The following ITM2A variants were observed in gnomAD, a reference collection of about 807,000 sequenced individuals.
ITM2A encodes BRICHOS domain containing 2A.
Under a neutral mutation model 16.6 loss-of-function variants are expected in ITM2A, and 11 were observed. The observed-to-expected ratio is 0.66, with a 90% CI of 0.42 to 1.10. ITM2A has a LOEUF of 1.10. Ranked by LOEUF, ITM2A falls within the 50% of genes least tolerant of loss-of-function variation. The pLI, the probability that ITM2A is intolerant of heterozygous loss-of-function variation, is 0.00. For synonymous variants in ITM2A, 102 were observed against 71.2 expected (o/e 1.43, Z -2.18); for missense variants, 243 against 206.8 (o/e 1.17, Z -1.07).
chrX:79,367,239 A>G lies in ITM2A; in HGVS notation c.-24T>C. 9.2e-7 allele frequency: 1 copy of G among 1,092,373 alleles called. No individual in the cohort carries two copies. Among genetic ancestry groups the G allele is most frequent in the East Asian group, 3.0e-5 (1 of 32,940 alleles). The allele number at this position is 1,092,373 out of a possible 1,213,427, so 90.0% of individuals were successfully genotyped here. ...ATAGTGAATCTTCGGGCTGCGCGGT[A>G]AGGCGCTGCTGGAATCAGCGTCCTG... is the stretch of plus-strand genomic sequence containing the variant. On this transcript the variant is annotated 5_prime_UTR_variant, in exon 1 of 6. Transcript: ENST00000373298.
chrX:79,362,538 C>T (rs372135722), intron 4 of ITM2A, 43 bp downstream of exon 4: 11 of 683,319 alleles, frequency 1.6e-5, no homozygotes, highest in Non-Finnish European at 2.5e-5. Flanking sequence ...AGTAAAATTA[C>T]TTGGAAATGC....
In ITM2A at chrX:79,361,126, T is replaced by C. The variant is rs1236074664; in HGVS notation, c.755A>G (p.Asn252Ser). 7 of 1,203,275 alleles carry C rather than the reference T, an allele frequency of 5.8e-6. No individual in the cohort carries two copies. In the African/African-American group the frequency reaches 7.0e-5, roughly 12 times the overall value. Reference protein sequence around the residue: ...DKCWKIRHFPNEFIVETKICQ... With the variant: ...DKCWKIRHFPSEFIVETKICQ... ...GATCTTGGTCTCAACAATAAATTCG[T>C]TGGGGAAGTGTCTAATCTTCCAGCA... The change falls in exon 6 of 6, where the codon AAC becomes AGC. Residue 252 changes from asparagine to serine, a missense_variant. Coordinates refer to ENST00000373298, the MANE Select transcript of ITM2A (RefSeq NM_004867.5).
At position 79,361,606 on chromosome X, in the gene ITM2A, T is replaced by G. The variant is rs144944604; in HGVS notation, c.553-127A>C. The G allele has an allele frequency of 5.3e-3, 2,913 of 552,777 alleles. 78 individuals carry two copies. The African/African-American group carries it at 0.061, about 12-fold the overall frequency. 45.6% of individuals were successfully genotyped at this position (552,777 alleles called of 1,213,427 possible). On this transcript the variant is annotated intron_variant, in intron 4 of 5. Coordinates refer to ENST00000373298, the MANE Select transcript of ITM2A (RefSeq NM_004867.5). ...TCATGGGGTTTGTTGTAGAGATTAT[T>G]TAATCACCCAGGTATTAAGCCTAGT...
In ITM2A at chrX:79,367,166, G is replaced by A; in HGVS notation, c.50C>T (p.Ala17Val). Residue 17 changes from alanine to valine, a missense_variant, in exon 1 of 6, where the codon GCG becomes GTG. By Grantham distance (64) the Ala-to-Val change is moderately conservative (BLOSUM62 0). Transcript: ENST00000373298. ...CAGGAGGGCCTCCACGTCTTGCCGCGCCTCCTCCTTTTGCACGGCGGTAGG... is the reference window on the plus strand; with the variant it reads ...CAGGAGGGCCTCCACGTCTTGCCGCACCTCCTCCTTTTGCACGGCGGTAGG... The part of the protein sequence containing the change: ...NTPTAVQKEE[A>V]RQDVEALLSR... The A allele has an allele frequency of 7.4e-6, 9 of 1,209,038 alleles. No homozygotes were observed. Among genetic ancestry groups the A allele is most frequent in the East Asian group, 3.0e-5 (1 of 33,712 alleles).
chrX:79,366,407 A>G (rs1421249650), intron 1 of ITM2A, among the ~76,000 whole-genome samples: 1 of 111,582 alleles, frequency 9.0e-6, no homozygotes, highest in Non-Finnish European at 1.9e-5. Flanking sequence ...CTAAAAATAT[A>G]CAAGGCTCTT....
chrX:79,362,941 C>G lies in ITM2A; in HGVS notation c.441+1G>C. The G allele has an allele frequency of 2.5e-6, 3 of 1,191,160 alleles. No homozygotes were observed. The highest frequency in any genetic ancestry group is 3.4e-6 in the Non-Finnish European group (3 of 877,515). Reference sequence around the variant, plus strand: ...AATATTTATAAGAATGAGAAGCCCACCTTTTCAAAGTCATGAATAATTGCT... The same window carrying G: ...AATATTTATAAGAATGAGAAGCCCAGCTTTTCAAAGTCATGAATAATTGCT... On this transcript the variant is annotated splice_donor_variant, in intron 3 of 5. Transcript: ENST00000373298. LOFTEE classifies it high-confidence loss of function.
intron 1 of ITM2A, among the ~76,000 whole-genome samples, chrX:79,364,387 G>A (rs1431778686): frequency 8.9e-6 from 1 of 112,037 alleles, no homozygotes; most frequent in Non-Finnish European, 1.9e-5. Flanking sequence ...CACAAAAGTT[G>A]TCTGTGTGGT....
chrX:79,361,502 G>A (rs1440229848), intron 4 of ITM2A, 23 bp from the exon 5 acceptor site: 2 of 1,169,721 alleles, frequency 1.7e-6, no homozygotes, highest in African/African-American at 3.6e-5. Context: ...AGCAAAGATT[G>A]AAATGAGAAA....
At position 79,363,028 on chromosome X, in the gene ITM2A, C is replaced by T. The variant is rs191203230; in HGVS notation, c.355G>A (p.Glu119Lys). ...TCAATGATTGCAATGTTGTCATCCT[C>T]ACGAATGTCAGCCTCCTCAGTCACA... ...LPVTEEADIR[E>K]DDNIAIIDVP... The change falls in exon 3 of 6, where the codon GAG becomes AAG. Residue 119 changes from glutamate (E) to lysine (K), a missense_variant. Physicochemically the swap from Glu to Lys is moderately conservative, Grantham distance 56. Coordinates refer to ENST00000373298, the MANE Select transcript of ITM2A (RefSeq NM_004867.5). 2 of 1,204,252 alleles carry T rather than the reference C, an allele frequency of 1.7e-6. No homozygotes were observed. The highest frequency in any genetic ancestry group is 3.5e-5 in the African/African-American group (2 of 56,987).
At position 79,362,633 on chromosome X, in the gene ITM2A, G is replaced by A; in HGVS notation, c.500C>T (p.Thr167Ile). The change falls in exon 4 of 6, where the codon ACT (threonine) becomes ATT (isoleucine). Residue 167 changes from threonine (T) to isoleucine (I), a missense_variant. Thr to Ile is a moderately conservative substitution (Grantham distance 89). Transcript: ENST00000373298. ...ATTTTTTGGAGGCATAACAATAGAAGTATTGAGGGGCATCAGATAGCAGTT... is the reference window on the plus strand; with the variant it reads ...ATTTTTTGGAGGCATAACAATAGAAATATTGAGGGGCATCAGATAGCAGTT... The part of the protein sequence containing the change: ...LGNCYLMPLN[T>I]SIVMPPKNLV... The A allele has an allele frequency of 8.3e-7, 1 of 1,206,395 alleles. No individual in the cohort carries two copies. Among genetic ancestry groups the A allele is most frequent in the South Asian group, 1.8e-5 (1 of 56,424 alleles).
chrX:79,363,680 T>C, intron 1 of ITM2A, 126 bp from the exon 2 acceptor site: 1 of 381,081 alleles, frequency 2.6e-6, no homozygotes, highest in Non-Finnish European at 4.3e-6. Context: ...TCATTTTAAT[T>C]GTAGTCTGAA....
rs149783799 is a variant in ITM2A, at chrX:79,362,665, C to G, written c.468G>C (p.Leu156Phe). The G allele has an allele frequency of 3.3e-5, 40 of 1,201,859 alleles. No homozygotes were observed. In the African/African-American group the frequency reaches 6.5e-4, roughly 20 times the overall value. Residue 156 changes from leucine (L) to phenylalanine (F), a missense_variant, in exon 4 of 6, where the codon TTG becomes TTC. Leu to Phe is a conservative substitution (Grantham distance 22). Transcript: ENST00000373298. ...GGGGCATCAGATAGCAGTTCCCCAG[C>G]AACAAGTCCAGGTAAGCAGTCATTC... ...EKGMTAYLDL[L>F]LGNCYLMPLN... is the part of the protein sequence containing the mutation.
At chrX:79,364,752 C>T (rs1925525192) in intron 1 of ITM2A, among the ~76,000 whole-genome samples, 1 of 111,553 alleles carries the variant, frequency 9.0e-6, no homozygotes, top group African/African-American at 3.3e-5. Context: ...GCATAGATTT[C>T]AAGTTAATGC....
intron 1 of ITM2A, among the ~76,000 whole-genome samples, chrX:79,363,785 T>C (rs1270098287): frequency 2.7e-5 from 3 of 112,201 alleles, no homozygotes; most frequent in Non-Finnish European, 3.8e-5. Context: ...CAAATATCGA[T>C]ATGAAATTAT....
chrX:79,365,908 G>C (rs1324702235), intron 1 of ITM2A, among the ~76,000 whole-genome samples: 1 of 112,093 alleles, frequency 8.9e-6, no homozygotes, highest in Non-Finnish European at 1.9e-5. Flanking sequence ...ATAATAAAAA[G>C]CTGGATAAGC....
chrX:79,366,316 GA>G (rs1223247779), intron 1 of ITM2A, among the ~76,000 whole-genome samples: 2 of 111,208 alleles, frequency 1.8e-5, no homozygotes, highest in Admixed American at 9.5e-5. Flanking sequence ...TGTTCAACAA[GA>G]AAAAAATTTA....
At chrX:79,366,806 C>G (rs1569317235) in intron 1 of ITM2A, 2 of 248,400 alleles carry the variant, frequency 8.1e-6, no homozygotes, top group East Asian at 1.8e-4. Flanking sequence ...ACACGTTACC[C>G]AAGAGACAAT....
intron 1 of ITM2A, chrX:79,366,888 C>G (rs1925592894): frequency 2.6e-6 from 1 of 389,648 alleles, no homozygotes; most frequent in Admixed American, 4.8e-5. Flanking sequence ...TGAGCTGGAA[C>G]AGACAGAACA....
rs753020332 is a variant in ITM2A, at chrX:79,363,542, C to T, written c.124G>A (p.Ala42Thr). ...GAGGAGCCCTCTTTTTCCTGGGTGG[C>T]AACTCGGAGCTCCTATTTATTAAAA... The part of the protein sequence containing the change: ...QILTGKELRV[A>T]TQEKEGSSGR... Residue 42 changes from alanine (A) to threonine (T), a missense_variant, in exon 2 of 6, where the codon GCC becomes ACC. Ala to Thr is a moderately conservative substitution (Grantham distance 58, BLOSUM62 0). Coordinates refer to ENST00000373298, the MANE Select transcript of ITM2A (RefSeq NM_004867.5). The T allele has an allele frequency of 1.3e-5, 15 of 1,175,250 alleles. No homozygotes were observed. The South Asian group carries it at 3.0e-4, about 24-fold the overall frequency.
Sources: gnomAD v4.1 joint callset for allele counts (sites outside exome capture counted in the v4.1 genomes callset) on GRCh38, gnomAD v4.1.1 for gene constraint, MANE v1.5 for transcripts, NCBI Gene and HGNC (gene_info 2026-07-23, HGNC 2026-07-21) for gene names.